The following SLC39A11 variants were observed in gnomAD, a reference collection of about 807,000 sequenced individuals.
SLC39A11 encodes the protein zinc transporter ZIP11.
SLC39A11 carries 33 observed loss-of-function variants against 36.1 expected under a neutral mutation model. That is an observed-to-expected ratio of 0.91 (90% CI 0.69 to 1.22). The LOEUF is 1.22. SLC39A11 is among the 50% of genes most tolerant of loss of function. SLC39A11 has a pLI of 0.00. For synonymous variants in SLC39A11, 166 were observed against 170.3 expected, an observed-to-expected ratio of 0.97 and a Z score of 0.20; for missense variants, 432 against 430.3, an observed-to-expected ratio of 1.00 and a Z score of -0.03.
At chr17:73,062,170 T>A (rs1421504440) in intron 3 of SLC39A11, among the ~76,000 whole-genome samples, 1 of 151,728 alleles carries the variant, frequency 6.6e-6, no homozygotes. Context: ...AATCAAAACT[T>A]CAGATGAGGC....
At position 72,659,056 on chromosome 17, in the gene SLC39A11, C is replaced by A. The variant is rs559247705; in HGVS notation, c.672-9788G>T. Among the ~76,000 whole-genome samples, 6 of 152,266 alleles carry A rather than the reference C, an allele frequency of 3.9e-5. 1 individual carries two copies. In the South Asian group the frequency reaches 1.2e-3, roughly 32 times the overall value. On this transcript the variant is annotated intron_variant, in intron 7 of 9. Transcript: ENST00000255559. ...TACGACCTCCTGGGCAGAACCATGTCCTGCAGTGGCAACTTGGCCACCTGG... is the reference window on the plus strand; with the variant it reads ...TACGACCTCCTGGGCAGAACCATGTACTGCAGTGGCAACTTGGCCACCTGG...
chr17:72,862,687 G>C (rs557946981), intron 5 of SLC39A11, among the ~76,000 whole-genome samples: 1 of 152,224 alleles, frequency 6.6e-6, no homozygotes, highest in African/African-American at 2.4e-5. Context: ...GAAGGTTTGA[G>C]AAATACAGAT....
At chr17:72,947,518 G>A (rs1208020805) in intron 5 of SLC39A11, 1 of 594,148 alleles carries the variant, frequency 1.7e-6, no homozygotes, top group East Asian at 2.9e-5. Context: ...TGATCAAAAG[G>A]TACCGTTACC....
chr17:72,837,029 C>A (rs1282605026), intron 6 of SLC39A11, among the ~76,000 whole-genome samples: 3 of 152,132 alleles, frequency 2.0e-5, no homozygotes, highest in Non-Finnish European at 4.4e-5. Flanking sequence ...GCTAGTAGCT[C>A]CTTTCTTGCA....
Position 72,680,938 on chromosome 17 carries a change from C to T in SLC39A11, c.672-31670G>A, listed in dbSNP as rs551211184. 1.6e-3 allele frequency among the ~76,000 whole-genome samples: 242 copies of T among 152,156 alleles called. 3 individuals carry two copies. The highest frequency in any genetic ancestry group is 0.016 in the South Asian group (75 of 4,818). ...CTGTGAACAGTGGTGTACACGTTTT[C>T]GGTTTCTTTGTTTGTTTTTTTGAGA... On this transcript the variant is annotated intron_variant, in intron 7 of 9. Coordinates refer to ENST00000255559, the MANE Select transcript of SLC39A11 (RefSeq NM_139177.4).
intron 6 of SLC39A11, among the ~76,000 whole-genome samples, chr17:72,789,331 A>C (rs72843282): frequency 0.073 from 11,193 of 152,292 alleles, 434 homozygotes; most frequent in African/African-American, 0.087. Context: ...CCCTGTGGCC[A>C]AACAATCTCG....
intron 3 of SLC39A11, among the ~76,000 whole-genome samples, chr17:73,070,951 C>T (rs987668822): frequency 9.9e-5 from 15 of 152,158 alleles, no homozygotes; most frequent in African/African-American, 3.6e-4. Context: ...TGAAAATGAA[C>T]TAATACACCT....
intron 6 of SLC39A11, among the ~76,000 whole-genome samples, chr17:72,737,122 G>A (rs577918537): frequency 7.2e-5 from 11 of 151,978 alleles, no homozygotes; most frequent in South Asian, 2.1e-4. Flanking sequence ...CTAAAAATAC[G>A]AGAGTTAGCA....
At chr17:73,009,574 G>A (rs971092221) in intron 4 of SLC39A11, among the ~76,000 whole-genome samples, 1 of 152,102 alleles carries the variant, frequency 6.6e-6, no homozygotes, top group East Asian at 1.9e-4. Flanking sequence ...GGGAGATGGA[G>A]AGTGATGGCT....
At chr17:72,797,299 G>C (rs1032830309) in intron 6 of SLC39A11, among the ~76,000 whole-genome samples, 1 of 152,054 alleles carries the variant, frequency 6.6e-6, no homozygotes, top group African/African-American at 2.4e-5. Context: ...TACTGCTGGA[G>C]GCAATACGGA....
intron 4 of SLC39A11, among the ~76,000 whole-genome samples, chr17:72,988,460 C>CAAACAAAACA (rs539765242): frequency 1.3e-5 from 2 of 152,054 alleles, no homozygotes; most frequent in Non-Finnish European, 2.9e-5. Flanking sequence ...GAACTTGTCT[C>CAAACAAAACA]AAACAAAACA....
intron 7 of SLC39A11, among the ~76,000 whole-genome samples, chr17:72,650,542 C>T (rs1034785570): frequency 6.6e-6 from 1 of 152,084 alleles, no homozygotes; most frequent in African/African-American, 2.4e-5. Flanking sequence ...TTAGGAAGGC[C>T]CTTTTGCACG....
intron 5 of SLC39A11, among the ~76,000 whole-genome samples, chr17:72,864,586 G>C (rs2080209408): frequency 6.6e-6 from 1 of 152,130 alleles, no homozygotes; most frequent in Non-Finnish European, 1.5e-5. Context: ...ACGTGTCTTG[G>C]GGTCGATCCT....
intron 5 of SLC39A11, among the ~76,000 whole-genome samples, chr17:72,895,174 A>C (rs1425290568): frequency 6.6e-6 from 1 of 152,174 alleles, no homozygotes. Context: ...GGCAGCGGGC[A>C]GGGAAGGCTG....
At chr17:72,948,386 AC>A (rs1330514067) in intron 4 of SLC39A11, among the ~76,000 whole-genome samples, 1 of 152,118 alleles carries the variant, frequency 6.6e-6, no homozygotes, top group African/African-American at 2.4e-5. Context: ...CCGCACGCAC[AC>A]AAAACCCCAC....
intron 7 of SLC39A11, among the ~76,000 whole-genome samples, chr17:72,691,561 G>C (rs2072030278): frequency 6.6e-6 from 1 of 152,158 alleles, no homozygotes; most frequent in Non-Finnish European, 1.5e-5. Context: ...CAGTTCAGTG[G>C]CTGGATCAAA....
chr17:72,884,356 G>A (rs1462262736), intron 5 of SLC39A11, among the ~76,000 whole-genome samples: 1 of 152,224 alleles, frequency 6.6e-6, no homozygotes, highest in African/African-American at 2.4e-5. Flanking sequence ...TGAATCCTCA[G>A]AGCGTTCATC....
intron 9 of SLC39A11, 95 bp downstream of exon 9, chr17:72,648,708 G>T: frequency 1.4e-6 from 2 of 1,467,830 alleles, no homozygotes; most frequent in East Asian, 2.4e-5. Context: ...GAGGGAATAA[G>T]GAAAGGAAAG....
chr17:72,790,710 T>A (rs1005041272), intron 6 of SLC39A11, among the ~76,000 whole-genome samples: 1 of 152,082 alleles, frequency 6.6e-6, no homozygotes, highest in Admixed American at 6.5e-5. Flanking sequence ...TTTTGTATTT[T>A]TTAGTAGAGA....
Sources: gnomAD v4.1 joint callset for allele counts (sites outside exome capture counted in the v4.1 genomes callset) on GRCh38, gnomAD v4.1.1 for gene constraint, MANE v1.5 for transcripts, NCBI Gene and HGNC (gene_info 2026-07-23, HGNC 2026-07-21) for gene names.